Variants in GREB1L observed in about 807,000 individuals in gnomAD.
GREB1L encodes the protein GREB1 like retinoic acid receptor coactivator, also known as GREB1-like protein.
A neutral mutation model predicts 200.8 loss-of-function variants in GREB1L; 17 were observed. The ratio of observed to expected loss-of-function variants is 0.08; its 90% CI spans 0.06 to 0.13. The LOEUF (loss-of-function observed/expected upper bound fraction) is 0.13. Ranked by LOEUF, GREB1L falls within the 10% of genes least tolerant of loss-of-function variation. GREB1L has a pLI of 1.00. For synonymous variants in GREB1L, 789 were observed against 893.0 expected (o/e 0.88, Z 2.08); for missense variants, 1,657 against 2,367.7 (o/e 0.70, Z 6.23).
chr18:21,442,534 G>A (rs1453417362), intron 10 of GREB1L, among the ~76,000 whole-genome samples: 1 of 152,106 alleles, frequency 6.6e-6, no homozygotes, highest in East Asian at 1.9e-4. Flanking sequence ...TAGAACGTGG[G>A]ACCCTTTGGT....
At chr18:21,399,457 A>ATGGG (rs1438960040) in intron 5 of GREB1L, among the ~76,000 whole-genome samples, 1 of 149,774 alleles carries the variant, frequency 6.7e-6, no homozygotes, top group South Asian at 2.1e-4. Context: ...GGATGGTTGG[A>ATGGG]TGGATGGATG....
intron 1 of GREB1L, among the ~76,000 whole-genome samples, chr18:21,261,567 CTTGTG>C (rs571289270): frequency 2.8e-4 from 42 of 152,074 alleles, no homozygotes; most frequent in Non-Finnish European, 4.0e-4. Flanking sequence ...CTGTGATTAT[CTTGTG>C]TTAAAAAAAC....
intron 7 of GREB1L, among the ~76,000 whole-genome samples, chr18:21,422,217 C>G (rs186324058): frequency 1.2e-4 from 19 of 152,314 alleles, no homozygotes; most frequent in African/African-American, 4.6e-4. Context: ...GGTAGCCTCA[C>G]AGCCCCATGG....
chr18:21,469,680 A>C lies in GREB1L; in HGVS notation c.2183-3351A>C, dbSNP rs564893811. 4.6e-5 allele frequency among the ~76,000 whole-genome samples: 7 copies of C among 152,354 alleles called. No individual in the cohort carries two copies. In the South Asian group the frequency reaches 1.5e-3, roughly 32 times the overall value. On this transcript the variant is annotated intron_variant, in intron 15 of 32. Transcript: ENST00000424526. ...TATGTATATTAACCCATGAATGCAC[A>C]CATATACCTCTCTATTTCTATATCT...
intron 7 of GREB1L, among the ~76,000 whole-genome samples, chr18:21,436,676 G>GTGTT (rs1423435742): frequency 8.1e-5 from 11 of 135,126 alleles, no homozygotes; most frequent in Non-Finnish European, 7.7e-5. Context: ...AGTGGTGTGT[G>GTGTT]TGTGTGTGTG....
At chr18:21,472,995 AGT>A in intron 15 of GREB1L, 34 bp from the exon 16 acceptor site, 1 of 1,444,874 alleles carries the variant, frequency 6.9e-7, no homozygotes, top group South Asian at 1.4e-5. Flanking sequence ...TATGTGTAAA[AGT>A]GTGTTAAAAG....
chr18:21,297,071 G>C (rs2144648422), intron 1 of GREB1L, among the ~76,000 whole-genome samples: 1 of 152,266 alleles, frequency 6.6e-6, no homozygotes. Flanking sequence ...GTGGTTCTCT[G>C]ACCAGCAGAG....
At chr18:21,458,721 A>G (rs187374010) in intron 15 of GREB1L, among the ~76,000 whole-genome samples, 2 of 152,364 alleles carry the variant, frequency 1.3e-5, no homozygotes, top group East Asian at 3.9e-4. Context: ...AGGTTAAAAA[A>G]AAAGAAATGG....
At chr18:21,362,499 T>C (rs1239941302) in intron 1 of GREB1L, among the ~76,000 whole-genome samples, 1 of 152,230 alleles carries the variant, frequency 6.6e-6, no homozygotes, top group Non-Finnish European at 1.5e-5. Context: ...AGAAATATTG[T>C]CAATGGAAAT....
At chr18:21,271,755 A>G (rs2038083548) in intron 1 of GREB1L, among the ~76,000 whole-genome samples, 1 of 151,972 alleles carries the variant, frequency 6.6e-6, no homozygotes, top group Non-Finnish European at 1.5e-5. Context: ...AAAAGGGATG[A>G]TGCCAGCCAT....
intron 32 of GREB1L, among the ~76,000 whole-genome samples, chr18:21,521,194 C>A (rs2037588681): frequency 6.6e-6 from 1 of 150,840 alleles, no homozygotes; most frequent in East Asian, 1.9e-4. Flanking sequence ...AAGACTCCGT[C>A]TCAAAAAAAA....
intron 1 of GREB1L, among the ~76,000 whole-genome samples, chr18:21,293,850 G>A (rs902679253): frequency 6.6e-6 from 1 of 152,096 alleles, no homozygotes; most frequent in Non-Finnish European, 1.5e-5. Context: ...AGTGATCCCG[G>A]CTCACTGCAA....
intron 7 of GREB1L, among the ~76,000 whole-genome samples, chr18:21,433,418 C>T (rs1484539257): frequency 6.6e-6 from 1 of 152,180 alleles, no homozygotes; most frequent in Non-Finnish European, 1.5e-5. Context: ...AGCTGCTAAT[C>T]TTCCAAACAA....
chr18:21,296,899 C>T (rs2038537182), intron 1 of GREB1L, among the ~76,000 whole-genome samples: 1 of 152,182 alleles, frequency 6.6e-6, no homozygotes, highest in South Asian at 2.1e-4. Flanking sequence ...AAGTGAGCCA[C>T]CCTCCTCGGC....
intron 1 of GREB1L, among the ~76,000 whole-genome samples, chr18:21,278,671 A>G (rs1457500752): frequency 6.6e-6 from 1 of 151,966 alleles, no homozygotes; most frequent in Non-Finnish European, 1.5e-5. Context: ...ATATGCAACC[A>G]AAAAAACACC....
intron 1 of GREB1L, among the ~76,000 whole-genome samples, chr18:21,254,528 C>T (rs930435829): frequency 1.3e-4 from 19 of 151,990 alleles, no homozygotes; most frequent in Non-Finnish European, 1.0e-4. Context: ...GGGTGGGAAA[C>T]GCTTAAACAT....
intron 1 of GREB1L, among the ~76,000 whole-genome samples, chr18:21,294,692 A>G (rs1470904659): frequency 1.3e-5 from 2 of 151,902 alleles, no homozygotes; most frequent in East Asian, 1.9e-4. Context: ...ATTAAAAACA[A>G]TTTTAACACA....
At chr18:21,418,766 C>T (rs531682113) in intron 7 of GREB1L, among the ~76,000 whole-genome samples, 51 of 152,256 alleles carry the variant, frequency 3.3e-4, no homozygotes, top group Admixed American at 1.4e-3. Flanking sequence ...CTCAAGTCAT[C>T]CACCTGCCTC....
intron 14 of GREB1L, among the ~76,000 whole-genome samples, chr18:21,452,587 C>T (rs2034577949): frequency 6.6e-6 from 1 of 152,198 alleles, no homozygotes; most frequent in Non-Finnish European, 1.5e-5. Context: ...GGGTCCCCAG[C>T]TCCTGCTCCT....
Sources: allele counts gnomAD v4.1 joint callset (sites outside exome capture counted in the v4.1 genomes callset), GRCh38; gene constraint gnomAD v4.1.1; transcripts MANE v1.5; gene names NCBI Gene and HGNC (gene_info 2026-07-23, HGNC 2026-07-21).